Variants in PTPN13 observed in about 807,000 individuals in gnomAD.
The protein encoded by PTPN13 is protein tyrosine phosphatase non-receptor type 13, also known as tyrosine-protein phosphatase non-receptor type 13.
PTPN13 carries 191 observed loss-of-function variants against 284.0 expected under a neutral mutation model. The ratio of observed to expected loss-of-function variants is 0.67; its 90% CI spans 0.60 to 0.76. The LOEUF (loss-of-function observed/expected upper bound fraction) is 0.76, where lower values mean the gene tolerates loss of function less well. Among genes scored for constraint, PTPN13 ranks in the 30% least tolerant of loss-of-function variants. PTPN13 has a pLI of 0.00. For missense variants in PTPN13, 2,797 were observed against 2,939.9 expected (o/e 0.95, Z 1.12); for synonymous variants, 986 against 1,022.3 (o/e 0.96, Z 0.68).
chr4:86,704,315 A>G (rs1731487990), intron 7 of PTPN13, among the ~76,000 whole-genome samples: 1 of 152,146 alleles, frequency 6.6e-6, no homozygotes, highest in Non-Finnish European at 1.5e-5. Context: ...TTATACTTGA[A>G]CCTTGGTTTG....
Position 86,746,545 on chromosome 4 carries a change from C to A in PTPN13, c.2650+1417C>A, listed in dbSNP as rs554201013. On this transcript the variant is annotated intron_variant, in intron 17 of 47. Coordinates refer to ENST00000411767, the MANE Select transcript of PTPN13 (RefSeq NM_080683.3). ...TGATTTAAAATGAAGATTCCAGGAACCTACGTAAAACTCAGAGAGCTACAG... is the reference window on the plus strand; with the variant it reads ...TGATTTAAAATGAAGATTCCAGGAAACTACGTAAAACTCAGAGAGCTACAG... 3.4e-4 allele frequency among the ~76,000 whole-genome samples: 52 copies of A among 152,258 alleles called. 1 individual carries two copies. The highest frequency in any genetic ancestry group is 1.2e-3 in the African/African-American group (50 of 41,554).
chr4:86,774,266 T>A (rs1740346841), intron 32 of PTPN13, 107 bp from the exon 33 acceptor site: 1 of 1,126,400 alleles, frequency 8.9e-7, no homozygotes, highest in Non-Finnish European at 1.3e-6. Context: ...TTAAGTAACC[T>A]TTTAAGGTTT....
chr4:86,807,148 T>A (rs569773489), intron 44 of PTPN13, among the ~76,000 whole-genome samples: 3 of 152,130 alleles, frequency 2.0e-5, no homozygotes, highest in Non-Finnish European at 4.4e-5. Context: ...TATGAAAAAT[T>A]TTTTGGCATT....
chr4:86,617,877 C>A (rs1233941557), intron 1 of PTPN13, among the ~76,000 whole-genome samples: 1 of 151,882 alleles, frequency 6.6e-6, no homozygotes, highest in Non-Finnish European at 1.5e-5. Flanking sequence ...CTGTAGGTTG[C>A]CTGTTCACTC....
intron 2 of PTPN13, among the ~76,000 whole-genome samples, chr4:86,654,322 T>TA (rs1436839339): frequency 6.6e-6 from 1 of 151,860 alleles, no homozygotes; most frequent in African/African-American, 2.4e-5. Flanking sequence ...ATAGACACAA[T>TA]AAAAAATGAT....
chr4:86,709,009 T>A (rs1732074083), intron 7 of PTPN13, among the ~76,000 whole-genome samples: 1 of 151,124 alleles, frequency 6.6e-6, no homozygotes, highest in South Asian at 2.1e-4. Context: ...TCCTCCCTCC[T>A]TGCCTCCCCA....
chr4:86,673,271 A>G lies in PTPN13; in HGVS notation c.294+728A>G, dbSNP rs531248441. On this transcript the variant is annotated intron_variant, in intron 3 of 47. Transcript: ENST00000411767. ...GAGAGTGATAGTATTTTGAGAATGTACAAGATGAGCAATTAATTTTTAGTG... is the reference window on the plus strand; with the variant it reads ...GAGAGTGATAGTATTTTGAGAATGTGCAAGATGAGCAATTAATTTTTAGTG... 2.6e-5 allele frequency among the ~76,000 whole-genome samples: 4 copies of G among 152,334 alleles called. No individual in the cohort carries two copies. In the South Asian group the frequency reaches 8.3e-4, roughly 32 times the overall value.
At chr4:86,777,470 C>T (rs1054237122) in intron 35 of PTPN13, among the ~76,000 whole-genome samples, 4 of 152,086 alleles carry the variant, frequency 2.6e-5, no homozygotes, top group African/African-American at 7.2e-5. Flanking sequence ...AATAACCTCC[C>T]CACATCAAAA....
intron 9 of PTPN13, among the ~76,000 whole-genome samples, chr4:86,720,658 G>T (rs988502392): frequency 6.6e-6 from 1 of 152,044 alleles, no homozygotes; most frequent in Non-Finnish European, 1.5e-5. Context: ...TAACATGCTG[G>T]TACGTAATCA....
chr4:86,651,333 T>C (rs906333051), intron 2 of PTPN13, among the ~76,000 whole-genome samples: 1 of 152,164 alleles, frequency 6.6e-6, no homozygotes, highest in African/African-American at 2.4e-5. Flanking sequence ...TTGTTGAGGA[T>C]TTTTGCATTT....
At chr4:86,729,323 A>G (rs983882182) in intron 10 of PTPN13, among the ~76,000 whole-genome samples, 12 of 148,224 alleles carry the variant, frequency 8.1e-5, no homozygotes, top group African/African-American at 3.0e-4. Flanking sequence ...GTGTCTTGGG[A>G]TTGTTCTTCT....
At position 86,750,751 on chromosome 4, in the gene PTPN13, C is replaced by A. The variant is rs751237050; in HGVS notation, c.2932C>A (p.Leu978Ile). Residue 978 changes from leucine (L) to isoleucine (I), a missense_variant, in exon 18 of 48, where the codon CTC becomes ATC. Leu to Ile is a conservative substitution (Grantham distance 5, BLOSUM62 2). Transcript: ENST00000411767. ...KSYHDLSQAS[L>I]YPHRKNVIVN... ...ATACCATGATCTCAGTCAGGCCTCT[C>A]TCTATCCACATCGGAAAAATGTCAT... The A allele has an allele frequency of 6.2e-7, 1 of 1,613,508 alleles. No homozygotes were observed. The highest frequency in any genetic ancestry group is 8.5e-7 in the Non-Finnish European group (1 of 1,179,724).
intron 2 of PTPN13, among the ~76,000 whole-genome samples, chr4:86,644,587 T>C (rs1340116764): frequency 2.0e-5 from 3 of 152,198 alleles, no homozygotes; most frequent in African/African-American, 7.2e-5. Flanking sequence ...AAGGATGTAC[T>C]TCCCAACTCA....
At chr4:86,673,046 A>G (rs1192081606) in intron 3 of PTPN13, among the ~76,000 whole-genome samples, 1 of 152,200 alleles carries the variant, frequency 6.6e-6, no homozygotes, top group Non-Finnish European at 1.5e-5. Context: ...AGTTCATAAT[A>G]GGATTCGCAT....
chr4:86,615,799 C>T (rs568921151), intron 1 of PTPN13, among the ~76,000 whole-genome samples: 1 of 152,284 alleles, frequency 6.6e-6, no homozygotes, highest in South Asian at 2.1e-4. Flanking sequence ...AAAAAGACTA[C>T]TTCTTCCAGA....
chr4:86,763,614 A>G (rs1390763678), intron 24 of PTPN13, among the ~76,000 whole-genome samples: 1 of 152,232 alleles, frequency 6.6e-6, no homozygotes, highest in East Asian at 1.9e-4. Context: ...GACATTGAAA[A>G]TAGCTCATTC....
At chr4:86,626,047 A>G (rs1481112658) in intron 1 of PTPN13, among the ~76,000 whole-genome samples, 1 of 152,148 alleles carries the variant, frequency 6.6e-6, no homozygotes, top group South Asian at 2.1e-4. Context: ...AAATTCTACC[A>G]TTGCATTGTT....
At chr4:86,625,512 T>C (rs1721733439) in intron 1 of PTPN13, among the ~76,000 whole-genome samples, 2 of 152,154 alleles carry the variant, frequency 1.3e-5, no homozygotes, top group Admixed American at 1.3e-4. Flanking sequence ...TTATAATCAT[T>C]GATTTATCCT....
At chr4:86,694,480 T>C (rs1730378008) in intron 6 of PTPN13, among the ~76,000 whole-genome samples, 1 of 145,958 alleles carries the variant, frequency 6.9e-6, no homozygotes, top group Non-Finnish European at 1.5e-5. Flanking sequence ...CTCGGGAGGC[T>C]GAGACAGGAG....
Sources: gnomAD v4.1 joint callset for allele counts (sites outside exome capture counted in the v4.1 genomes callset) on GRCh38, gnomAD v4.1.1 for gene constraint, MANE v1.5 for transcripts, NCBI Gene and HGNC (gene_info 2026-07-23, HGNC 2026-07-21) for gene names.